The following TENM2 variants were observed in gnomAD, a reference collection of about 807,000 sequenced individuals.
TENM2 encodes the protein teneurin-2.
Under a neutral mutation model 245.2 loss-of-function variants are expected in TENM2, and 52 were observed. The observed-to-expected ratio is 0.21, with a 90% CI of 0.17 to 0.27. The LOEUF (loss-of-function observed/expected upper bound fraction) is 0.27. TENM2 is among the 10% of genes least tolerant of loss of function. The pLI, the probability that TENM2 is intolerant of heterozygous loss-of-function variation, is 1.00. For synonymous variants in TENM2, 1,363 were observed against 1,438.9 expected (o/e 0.95, Z 1.19); for missense variants, 3,046 against 3,666.8 (o/e 0.83, Z 4.37).
At chr5:167,231,952 C>A in the TENM2 span, among the ~76,000 whole-genome samples, 2 of 152,146 alleles carry the variant, frequency 1.3e-5, no homozygotes, top group Non-Finnish European at 2.9e-5. Flanking sequence ...TTAAAGGGAC[C>A]AATGTACAGC....
rs72832025 is a variant in TENM2, at chr5:167,814,284, C to A, written c.503-61702C>A. 7.3e-3 allele frequency among the ~76,000 whole-genome samples: 1,112 copies of A among 152,076 alleles called. 7 individuals are homozygous for A. Among genetic ancestry groups the A allele is most frequent in the Non-Finnish European group, 0.012 (800 of 67,960 alleles). On this transcript the variant is annotated intron_variant, in intron 2 of 28. Transcript: ENST00000518659. The stretch of plus-strand genomic sequence containing the variant: ...TAAATAGCATTTTAACACATTCAAG[C>A]ATCAGTCCCCAGGATGAAAAGTAGC...
At chr5:166,979,232 AGCAGCC>A in the TENM2 span, among the ~76,000 whole-genome samples, 37 of 141,112 alleles carry the variant, frequency 2.6e-4, no homozygotes, top group Admixed American at 5.1e-4. Context: ...CAGCAGCAGC[AGCAGCC>A]GCCGCGGCAA....
the TENM2 span, among the ~76,000 whole-genome samples, chr5:167,208,492 A>C: frequency 1.3e-5 from 2 of 152,332 alleles, no homozygotes; most frequent in Admixed American, 6.5e-5. Flanking sequence ...AGCATACAAC[A>C]AAACGAACAC....
At chr5:168,180,022 G>A (rs981831100) in intron 13 of TENM2, among the ~76,000 whole-genome samples, 7 of 152,168 alleles carry the variant, frequency 4.6e-5, no homozygotes, top group African/African-American at 1.7e-4. Flanking sequence ...TGGAGGACAG[G>A]GGCTCTGAAC....
intron 2 of TENM2, chr5:167,755,015 AAC>A (rs781520432): frequency 2.4e-5 from 38 of 1,584,124 alleles, no homozygotes; most frequent in Non-Finnish European, 3.1e-5. Context: ...GTTAGAGGGA[AAC>A]ACAAAACGAA....
intron 3 of TENM2, among the ~76,000 whole-genome samples, chr5:167,942,078 C>T (rs191972846): frequency 1.1e-3 from 161 of 151,876 alleles, no homozygotes; most frequent in Non-Finnish European, 1.8e-3. Context: ...TGTGGTGACA[C>T]GTGCCTGTAA....
chr5:167,929,186 A>AAAGGAAGG (rs1298055469), intron 3 of TENM2, among the ~76,000 whole-genome samples: 4 of 148,002 alleles, frequency 2.7e-5, no homozygotes, highest in African/African-American at 1.0e-4. Flanking sequence ...AAGGAAGGAA[A>AAAGGAAGG]AAGGAAGGAA....
the TENM2 span, among the ~76,000 whole-genome samples, chr5:166,998,159 G>A: frequency 3.3e-5 from 5 of 152,160 alleles, no homozygotes; most frequent in Non-Finnish European, 1.5e-5. Context: ...GCAAAAGCCT[G>A]AGGTGGGAAT....
At chr5:167,171,160 GC>G in the TENM2 span, among the ~76,000 whole-genome samples, 1 of 151,802 alleles carries the variant, frequency 6.6e-6, no homozygotes, top group Admixed American at 6.6e-5. Flanking sequence ...CTCTTTCCCT[GC>G]CTTGCCTTTG....
chr5:167,761,439 C>A (rs1352843499), intron 2 of TENM2, among the ~76,000 whole-genome samples: 1 of 151,978 alleles, frequency 6.6e-6, no homozygotes, highest in Non-Finnish European at 1.5e-5. Flanking sequence ...CCAAGAAATT[C>A]TTCAACCTCT....
the TENM2 span, among the ~76,000 whole-genome samples, chr5:167,094,066 A>T: frequency 6.6e-6 from 1 of 152,244 alleles, no homozygotes; most frequent in African/African-American, 2.4e-5. Flanking sequence ...TCAATTAGCC[A>T]TGGGCACATG....
chr5:167,165,089 T>C, the TENM2 span: 1 of 152,212 alleles, frequency 6.6e-6, no homozygotes, highest in Admixed American at 6.5e-5. Flanking sequence ...TATTACTTCT[T>C]TGTAGATATT....
At chr5:168,219,824 C>CA (rs70976468) in intron 23 of TENM2, among the ~76,000 whole-genome samples, 12,794 of 49,284 alleles carry the variant, frequency 0.26, 1,940 homozygotes, top group South Asian at 0.39. Flanking sequence ...GTTGGCACAG[C>CA]AAAAAAAAAA....
At chr5:168,015,534 G>A (rs79491112) in intron 5 of TENM2, among the ~76,000 whole-genome samples, 6,235 of 152,278 alleles carry the variant, frequency 0.041, 216 homozygotes, top group African/African-American at 0.086. Flanking sequence ...AAAGAATGCC[G>A]CAAAGAAGAC....
chr5:167,572,672 T>A lies in TENM2; in HGVS notation c.502+197199T>A, dbSNP rs556693565. Among the ~76,000 whole-genome samples, 4 of 152,280 alleles carry A rather than the reference T, an allele frequency of 2.6e-5. No individual in the cohort carries two copies. In the South Asian group the frequency reaches 8.3e-4, roughly 32 times the overall value. On this transcript the variant is annotated intron_variant, in intron 2 of 28. Transcript: ENST00000518659. ...TTTAACTGTGTAATCCTAGCCCCCATGTGGTAGGAGATGAGTAGAAATGGA... is the reference window on the plus strand; with the variant it reads ...TTTAACTGTGTAATCCTAGCCCCCAAGTGGTAGGAGATGAGTAGAAATGGA...
chr5:168,030,477 C>G (rs1035894330), intron 5 of TENM2, among the ~76,000 whole-genome samples: 2 of 152,118 alleles, frequency 1.3e-5, no homozygotes, highest in African/African-American at 4.8e-5. Context: ...ATACCTGGAC[C>G]CCACCCCTGA....
chr5:167,438,175 A>G (rs1582046140), intron 2 of TENM2, among the ~76,000 whole-genome samples: 1 of 152,174 alleles, frequency 6.6e-6, no homozygotes, highest in South Asian at 2.1e-4. Flanking sequence ...TTTCACCAGG[A>G]AGTCTATACT....
chr5:168,184,220 A>G (rs1760191285), intron 13 of TENM2, among the ~76,000 whole-genome samples: 1 of 152,198 alleles, frequency 6.6e-6, no homozygotes, highest in South Asian at 2.1e-4. Flanking sequence ...TCCTGGCCCA[A>G]TGAGTAGGAA....
chr5:167,422,575 A>G (rs1763575434), intron 2 of TENM2, among the ~76,000 whole-genome samples: 1 of 152,180 alleles, frequency 6.6e-6, no homozygotes, highest in Non-Finnish European at 1.5e-5. Context: ...AATGATTCTT[A>G]TGTTTATTTT....
Sources: allele counts gnomAD v4.1 joint callset (sites outside exome capture counted in the v4.1 genomes callset), GRCh38; gene constraint gnomAD v4.1.1; transcripts MANE v1.5; gene names NCBI Gene and HGNC (gene_info 2026-07-23, HGNC 2026-07-21).